Variants in RBM19 observed in about 807,000 individuals in gnomAD.
The protein encoded by RBM19 is probable RNA-binding protein 19.
Under a neutral mutation model 116.8 loss-of-function variants are expected in RBM19, and 94 were observed. That is an observed-to-expected ratio of 0.80 (90% CI 0.68 to 0.95). The LOEUF is 0.95. Among genes scored for constraint, RBM19 ranks in the 40% least tolerant of loss-of-function variants. RBM19 has a pLI of 0.00. For missense variants in RBM19, 1,161 were observed against 1,220.7 expected, an observed-to-expected ratio of 0.95 and a Z score of 0.73; for synonymous variants, 475 against 494.1, an observed-to-expected ratio of 0.96 and a Z score of 0.51.
chr12:113,962,014 C>T (rs1872536808), intron 2 of RBM19, among the ~76,000 whole-genome samples: 2 of 152,216 alleles, frequency 1.3e-5, no homozygotes, highest in African/African-American at 4.8e-5. Context: ...GTCCTGACTC[C>T]ATGCACTGAA....
chr12:113,960,741 C>T (rs773536891), intron 2 of RBM19, among the ~76,000 whole-genome samples: 1 of 152,210 alleles, frequency 6.6e-6, no homozygotes, highest in Non-Finnish European at 1.5e-5. Context: ...AGTTACCCCA[C>T]ACTGCCCTGG....
In RBM19 at chr12:113,852,473, C is replaced by T. The variant is rs150388543; in HGVS notation, c.2664+6318G>A. ...CCCACAATTACAAAACAGTCATGAG[C>T]GCACACACGTCACATGCACACCTGA... On this transcript the variant is annotated intron_variant, in intron 22 of 23. Transcript: ENST00000261741. Among the ~76,000 whole-genome samples the T allele has an allele frequency of 3.5e-4, 54 of 152,282 alleles. No homozygotes were observed. The East Asian group carries it at 7.7e-3, about 22-fold the overall frequency.
intron 21 of RBM19, among the ~76,000 whole-genome samples, chr12:113,911,793 G>T (rs143252291): frequency 6.6e-6 from 1 of 152,142 alleles, no homozygotes; most frequent in African/African-American, 2.4e-5. Context: ...TGCAGCGCAC[G>T]GGGCCGGGGA....
At chr12:113,957,568 AAAAATAAAAT>A (rs373537959) in intron 6 of RBM19, among the ~76,000 whole-genome samples, 1 of 151,582 alleles carries the variant, frequency 6.6e-6, no homozygotes, top group African/African-American at 2.4e-5. Flanking sequence ...CTCTGTCTCA[AAAAATAAAAT>A]AAAATAAAAT....
At chr12:113,937,970 G>C (rs1870223606) in intron 15 of RBM19, among the ~76,000 whole-genome samples, 1 of 152,126 alleles carries the variant, frequency 6.6e-6, no homozygotes, top group African/African-American at 2.4e-5. Context: ...ACATGCTTCA[G>C]AGTGAAACAG....
At position 113,948,876 on chromosome 12, in the gene RBM19, G is replaced by A. The variant is rs1475811000; in HGVS notation, c.1233C>T (p.Tyr411=). The A allele has an allele frequency of 5.6e-6, 9 of 1,614,230 alleles. No homozygotes were observed. The highest frequency in any genetic ancestry group is 7.6e-6 in the Non-Finnish European group (9 of 1,180,028). ...SGRLFVRNLP[Y]TSTEEDLEKL... is the part of the protein sequence containing the mutation. ...TCTCCAGATCCTCCTCGGTGCTGGTGTAGGGCAGGTTCCGTACAAAGAGCC... is the reference window on the plus strand; with the variant it reads ...TCTCCAGATCCTCCTCGGTGCTGGTATAGGGCAGGTTCCGTACAAAGAGCC... Residue 411 remains tyrosine (Y), a synonymous_variant, in exon 10 of 24, where the codon TAC becomes TAT. Coordinates refer to ENST00000261741, the MANE Select transcript of RBM19 (RefSeq NM_016196.4).
At chr12:113,881,568 G>A (rs954279668) in intron 21 of RBM19, among the ~76,000 whole-genome samples, 5 of 152,210 alleles carry the variant, frequency 3.3e-5, no homozygotes, top group Non-Finnish European at 5.9e-5. Context: ...CCAGAGCCTG[G>A]AGTGTCTTTC....
intron 22 of RBM19, among the ~76,000 whole-genome samples, chr12:113,854,961 A>G (rs1877777077): frequency 6.6e-6 from 1 of 152,214 alleles, no homozygotes; most frequent in Non-Finnish European, 1.5e-5. Flanking sequence ...TATTATCATC[A>G]GTTGCCTGGT....
rs1465696146 is a variant in RBM19 at position 113,924,770 on chromosome 12, G to A, written c.2245-13C>T. 6.5e-7 allele frequency: 1 copy of A among 1,533,734 alleles called. No individual in the cohort carries two copies. The highest frequency in any genetic ancestry group is 1.1e-5 in the South Asian group (1 of 89,368). On this transcript the variant is annotated splice_polypyrimidine_tract_variant and intron_variant, in intron 17 of 23. Coordinates refer to ENST00000261741, the MANE Select transcript of RBM19 (RefSeq NM_016196.4). Reference sequence around the variant, plus strand: ...CTTTTGAAAACACCTGGATAAGAAAGTAACAAGTATCATCAGCAGCTCTAA... The same window carrying A: ...CTTTTGAAAACACCTGGATAAGAAAATAACAAGTATCATCAGCAGCTCTAA...
rs7966348 is a variant in RBM19, at chr12:113,948,834, A to G, written c.1275T>C (p.Tyr425=). 0.12 allele frequency: 190,888 copies of G among 1,613,810 alleles called. 13,546 individuals carry two copies. Among genetic ancestry groups the G allele is most frequent in the African/African-American group, 0.33 (24,483 of 74,960 alleles). Residue 425 remains tyrosine, a splice_region_variant and synonymous_variant, in exon 10 of 24, where the codon TAT becomes TAC. Transcript: ENST00000261741. The part of the protein sequence containing the change: ...EEDLEKLFSK[Y]GPLSELHYPI... ...ACGGCCCGGAGGCCACACCCCTACC[A>G]TATTTGGAGAAGAGCTTCTCCAGAT...
At chr12:113,823,500 G>C (rs1360206507) in intron 23 of RBM19, among the ~76,000 whole-genome samples, 179 bp from the exon 24 acceptor site, 8 of 152,046 alleles carry the variant, frequency 5.3e-5, no homozygotes, top group African/African-American at 1.9e-4. Context: ...CGGAGGGAGA[G>C]AAGATACAGA....
intron 17 of RBM19, among the ~76,000 whole-genome samples, chr12:113,925,043 T>C (rs530660459): frequency 1.3e-5 from 2 of 152,294 alleles, no homozygotes; most frequent in East Asian, 3.9e-4. Flanking sequence ...TGGGCCTAAG[T>C]TCCGAAGCAT....
At chr12:113,946,184 A>G (rs893280726) in intron 12 of RBM19, among the ~76,000 whole-genome samples, 170 bp downstream of exon 12, 3 of 152,132 alleles carry the variant, frequency 2.0e-5, no homozygotes, top group Non-Finnish European at 4.4e-5. Flanking sequence ...AGCACCATAA[A>G]AGTAAGGCAC....
intron 21 of RBM19, among the ~76,000 whole-genome samples, chr12:113,890,855 A>G (rs2135807017): frequency 6.6e-6 from 1 of 152,316 alleles, no homozygotes; most frequent in South Asian, 2.1e-4. Flanking sequence ...TGGCGCGATC[A>G]CAGCTCACTG....
intron 21 of RBM19, among the ~76,000 whole-genome samples, chr12:113,872,326 C>T (rs1185780345): frequency 3.7e-4 from 56 of 149,602 alleles, no homozygotes; most frequent in African/African-American, 1.1e-3. Flanking sequence ...CCCCTCCGCC[C>T]GGCAGCCGCC....
At chr12:113,907,424 A>C (rs771577761) in intron 21 of RBM19, among the ~76,000 whole-genome samples, 5 of 152,180 alleles carry the variant, frequency 3.3e-5, no homozygotes, top group Non-Finnish European at 5.9e-5. Flanking sequence ...ATAAATCTGC[A>C]TCTCCCGTGG....
intron 21 of RBM19, among the ~76,000 whole-genome samples, chr12:113,863,619 T>A (rs1878581402): frequency 6.6e-6 from 1 of 151,994 alleles, no homozygotes; most frequent in South Asian, 2.1e-4. Flanking sequence ...AGAACCAGAA[T>A]CCCAGCAGAA....
At chr12:113,938,970 T>A (rs1350675517) in intron 15 of RBM19, among the ~76,000 whole-genome samples, 1 of 152,256 alleles carries the variant, frequency 6.6e-6, no homozygotes, top group African/African-American at 2.4e-5. Context: ...TAATTTGTTA[T>A]GACAGCCACA....
chr12:113,855,764 C>T (rs147648508), intron 22 of RBM19, among the ~76,000 whole-genome samples: 10 of 152,300 alleles, frequency 6.6e-5, no homozygotes, highest in Non-Finnish European at 1.5e-4. Context: ...GGCAGTATTG[C>T]TCTCCCTCTT....
Sources: allele counts gnomAD v4.1 joint callset (sites outside exome capture counted in the v4.1 genomes callset), GRCh38; gene constraint gnomAD v4.1.1; transcripts MANE v1.5; gene names NCBI Gene and HGNC (gene_info 2026-07-23, HGNC 2026-07-21).